Variants in TMTC3 observed in about 807,000 individuals in gnomAD.
TMTC3 encodes transmembrane O-mannosyltransferase targeting cadherins 3.
TMTC3 carries 52 observed loss-of-function variants against 92.2 expected under a neutral mutation model. That is an observed-to-expected ratio of 0.56 (90% confidence interval 0.45 to 0.71). The LOEUF (loss-of-function observed/expected upper bound fraction) is 0.71, where lower values mean the gene tolerates loss of function less well. TMTC3 is among the 30% of genes least tolerant of loss of function. The pLI, the probability that TMTC3 is intolerant of heterozygous loss-of-function variation, is 0.00. For missense variants in TMTC3, 896 were observed against 1,057.1 expected, an observed-to-expected ratio of 0.85 and a Z score of 2.11; for synonymous variants, 339 against 363.3, an observed-to-expected ratio of 0.93 and a Z score of 0.76.
chr12:88,179,836 C>T (rs968540120), intron 10 of TMTC3, among the ~76,000 whole-genome samples: 1 of 152,074 alleles, frequency 6.6e-6, no homozygotes. Flanking sequence ...CAGTCCTGTG[C>T]GCAAATGATC....
intron 8 of TMTC3, 89 bp downstream of exon 8, chr12:88,172,834 G>A: frequency 1.3e-6 from 2 of 1,505,596 alleles, no homozygotes; most frequent in East Asian, 2.4e-5. Context: ...AGTTTTCTAA[G>A]TCATGCTTTT....
intron 7 of TMTC3, among the ~76,000 whole-genome samples, chr12:88,169,524 C>G (rs1174477852): frequency 6.6e-6 from 1 of 152,070 alleles, no homozygotes; most frequent in Non-Finnish European, 1.5e-5. Context: ...TTCTGAAGAT[C>G]TCTGGAAGGG....
chr12:88,148,326 T>A lies in TMTC3; in HGVS notation c.11T>A (p.Ile4Asn), dbSNP rs148019384. Reference sequence around the variant, plus strand: ...GTGCTTATAGAAAAGATGGCTAATATTAACCTAAAAGAAATAACCTTAATA... The same window carrying A: ...GTGCTTATAGAAAAGATGGCTAATAATAACCTAAAAGAAATAACCTTAATA... MAN[I>N]NLKEITLIVG... Residue 4 changes from isoleucine to asparagine, a missense_variant, in exon 2 of 14, where the codon ATT becomes AAT. Transcript: ENST00000266712. The A allele has an allele frequency of 1.4e-5, 22 of 1,607,834 alleles. No homozygotes were observed. Among genetic ancestry groups the A allele is most frequent in the Non-Finnish European group, 1.7e-5 (20 of 1,177,964 alleles).
chr12:88,196,006 T>G lies in TMTC3; in HGVS notation c.*357T>G, dbSNP rs1334547392. On this transcript the variant is annotated 3_prime_UTR_variant, in exon 14 of 14. Coordinates refer to ENST00000266712, the MANE Select transcript of TMTC3 (RefSeq NM_181783.4). ...CCTTGAGGACAAATCCAACATGTGCTGGTTTATTCTGTTAATTCCCATTTA... is the reference window on the plus strand; with the variant it reads ...CCTTGAGGACAAATCCAACATGTGCGGGTTTATTCTGTTAATTCCCATTTA... The G allele has an allele frequency of 6.1e-6, 1 of 163,960 alleles. No homozygotes were observed. Among genetic ancestry groups the G allele is most frequent in the Admixed American group, 6.2e-5 (1 of 16,064 alleles). 10.2% of individuals were successfully genotyped at this position (163,960 alleles called of 1,614,324 possible).
Position 88,189,126 on chromosome 12 carries a change from C to A in TMTC3, c.1536+180C>A, listed in dbSNP as rs371908844. On this transcript the variant is annotated intron_variant, in intron 11 of 13. Transcript: ENST00000266712. ...TTTTTTTTTTGGAGACGGAGTCTTGCTGTATTGCCCAGACTGGAGTGCAGT... is the reference window on the plus strand; with the variant it reads ...TTTTTTTTTTGGAGACGGAGTCTTGATGTATTGCCCAGACTGGAGTGCAGT... Among the ~76,000 whole-genome samples the A allele has an allele frequency of 3.4e-5, 5 of 148,492 alleles. No individual in the cohort carries two copies. The South Asian group carries it at 6.4e-4, about 19-fold the overall frequency.
rs1490870115 is a variant in TMTC3, at chr12:88,197,723, A to G, written c.*2074A>G. 1 of 152,076 alleles carries G rather than the reference A, an allele frequency of 6.6e-6. No homozygotes were observed. The highest frequency in any genetic ancestry group is 6.6e-5 in the Admixed American group (1 of 15,262). 9.4% of individuals were successfully genotyped at this position (152,076 alleles called of 1,614,324 possible). A position where few individuals can be genotyped will look rare whatever the true frequency, so the allele number is the denominator to read the frequency against. Reference sequence around the variant, plus strand: ...ACATAAAAAGTGCTCATGTATTTGAATTTTAAATAATTTATTTAAATCAAG... The same window carrying G: ...ACATAAAAAGTGCTCATGTATTTGAGTTTTAAATAATTTATTTAAATCAAG... On this transcript the variant is annotated 3_prime_UTR_variant, in exon 14 of 14. Coordinates refer to ENST00000266712, the MANE Select transcript of TMTC3 (RefSeq NM_181783.4).
chr12:88,160,163 A>G lies in TMTC3; in HGVS notation c.558A>G (p.Leu186=). ...LTVFLVAVAT[L]CKEQGITVVG... The stretch of plus-strand genomic sequence containing the variant: ...TGTTTTTAGTGGCTGTTGCAACATT[A>G]TGTAAAGAACAAGGAATAACAGTTG... The change falls in exon 5 of 14, where the codon TTA becomes TTG. Residue 186 remains leucine, a synonymous_variant. Transcript: ENST00000266712. 1 of 1,593,590 alleles carries G rather than the reference A, an allele frequency of 6.3e-7. No individual in the cohort carries two copies. The highest frequency in any genetic ancestry group is 1.2e-5 in the South Asian group (1 of 86,696).
chr12:88,190,353 A>G lies in TMTC3; in HGVS notation c.1537-100A>G, dbSNP rs1229397492. 4 of 1,039,076 alleles carry G rather than the reference A, an allele frequency of 3.8e-6. No individual in the cohort carries two copies. In the African/African-American group the frequency reaches 4.8e-5, roughly 13 times the overall value. The allele number at this position is 1,039,076 out of a possible 1,614,324, so 64.4% of individuals were successfully genotyped here. A position where few individuals can be genotyped will look rare whatever the true frequency, so the allele number is the denominator to read the frequency against. On this transcript the variant is annotated intron_variant, in intron 11 of 13. Transcript: ENST00000266712. Reference sequence around the variant, plus strand: ...TCTCTCAGTCCAGTGTATTTTTTACAGTATGTTCTGAGTTATTTTGAATTA... The same window carrying G: ...TCTCTCAGTCCAGTGTATTTTTTACGGTATGTTCTGAGTTATTTTGAATTA...
rs201529781 is a variant in TMTC3, at chr12:88,160,642, G to A, written c.625-37G>A. The A allele has an allele frequency of 2.0e-4, 313 of 1,576,984 alleles. 3 individuals carry two copies. The South Asian group carries it at 2.5e-3, about 12-fold the overall frequency. ...AGTATTGAAAACATTGAGATATGTCGTTATTTGTTGCTTAAAACATTTCTT... is the reference window on the plus strand; with the variant it reads ...AGTATTGAAAACATTGAGATATGTCATTATTTGTTGCTTAAAACATTTCTT... On this transcript the variant is annotated intron_variant, in intron 5 of 13. Coordinates refer to ENST00000266712, the MANE Select transcript of TMTC3 (RefSeq NM_181783.4).
Position 88,172,581 on chromosome 12 carries a change from C to CTTT in TMTC3, c.1051-7_1051-5dup. 1.2e-5 allele frequency: 12 copies of CTTT among 1,025,392 alleles called. No individual in the cohort carries two copies. The highest frequency in any genetic ancestry group is 3.6e-5 in the East Asian group (1 of 27,776). The allele number at this position is 1,025,392 out of a possible 1,614,324, so 63.5% of individuals were successfully genotyped here. On this transcript the variant is annotated splice_polypyrimidine_tract_variant and intron_variant, in intron 7 of 13. Coordinates refer to ENST00000266712, the MANE Select transcript of TMTC3 (RefSeq NM_181783.4). ...AATTTATTATAAATTATTAAATCTT[C>CTTT]TTTTTTTTTTTGTAGGCGCTTTGTT...
chr12:88,160,884 C>A, intron 6 of TMTC3, 33 bp downstream of exon 6: 1 of 1,523,894 alleles, frequency 6.6e-7, no homozygotes. Context: ...TTTCTCCATT[C>A]TTTTTTTTAA....
At chr12:88,154,983 G>A (rs2040989218) in intron 4 of TMTC3, among the ~76,000 whole-genome samples, 1 of 152,048 alleles carries the variant, frequency 6.6e-6, no homozygotes, top group African/African-American at 2.4e-5. Flanking sequence ...CTTGGGGAAG[G>A]GGCAGATTTT....
chr12:88,145,071 C>T (rs995327079), intron 1 of TMTC3, among the ~76,000 whole-genome samples: 20 of 152,120 alleles, frequency 1.3e-4, no homozygotes, highest in African/African-American at 4.1e-4. Flanking sequence ...TTATTGCTTA[C>T]CTTTGTTCTC....
At chr12:88,145,860 T>A (rs1197869352) in intron 1 of TMTC3, among the ~76,000 whole-genome samples, 1 of 152,188 alleles carries the variant, frequency 6.6e-6, no homozygotes, top group Non-Finnish European at 1.5e-5. Flanking sequence ...CCCTAATTTT[T>A]TCTTATAGAC....
intron 12 of TMTC3, among the ~76,000 whole-genome samples, chr12:88,191,422 A>C (rs2041441273): frequency 1.3e-5 from 2 of 152,184 alleles, no homozygotes; most frequent in Admixed American, 1.3e-4. Flanking sequence ...TTTTAATGAG[A>C]ATATTAATTG....
chr12:88,192,710 A>G lies in TMTC3; in HGVS notation c.1813A>G (p.Ile605Val). Residue 605 changes from isoleucine to valine, a missense_variant, in exon 13 of 14, where the codon ATT becomes GTT. By Grantham distance (29) the Ile-to-Val change is conservative. Coordinates refer to ENST00000266712, the MANE Select transcript of TMTC3 (RefSeq NM_181783.4). Reference protein sequence around the residue: ...NNADLWYNLAIVHIELKEPNE... With the variant: ...NNADLWYNLAVVHIELKEPNE... ...TGCAGATCTTTGGTACAACTTGGCA[A>G]TTGTACATATTGAACTTAAAGAACC... 3 of 1,613,444 alleles carry G rather than the reference A, an allele frequency of 1.9e-6. No individual in the cohort carries two copies. The highest frequency in any genetic ancestry group is 2.5e-6 in the Non-Finnish European group (3 of 1,179,584).
chr12:88,174,009 A>G (rs2041232502), intron 8 of TMTC3, among the ~76,000 whole-genome samples: 2 of 152,254 alleles, frequency 1.3e-5, no homozygotes, highest in South Asian at 4.1e-4. Flanking sequence ...ACACAGACTC[A>G]GAGACTATTA....
Position 88,172,637 on chromosome 12 carries a change from A to G in TMTC3, c.1091A>G (p.Asn364Ser). The change falls in exon 8 of 14, where the codon AAC (asparagine) becomes AGC (serine). Residue 364 changes from asparagine (N) to serine (S), a missense_variant. Asn to Ser is a conservative substitution (Grantham distance 46). Transcript: ENST00000266712. ...GCATTACCATTTATTCCTGCATCGA[A>G]CCTTTTTTTTCCAGTTGGATTTGTT... ...LMALPFIPASNLFFPVGFVVA... is the reference protein window; with the variant it reads ...LMALPFIPASSLFFPVGFVVA... 2.6e-6 allele frequency: 4 copies of G among 1,566,016 alleles called. No homozygotes were observed. Among genetic ancestry groups the G allele is most frequent in the Non-Finnish European group, 3.5e-6 (4 of 1,157,546 alleles).
intron 7 of TMTC3, among the ~76,000 whole-genome samples, chr12:88,171,839 C>A (rs2041208382): frequency 6.6e-6 from 1 of 152,046 alleles, no homozygotes; most frequent in Non-Finnish European, 1.5e-5. Flanking sequence ...GCAAGTGTTT[C>A]CTTTACGTTC....
Sources: allele counts gnomAD v4.1 joint callset (sites outside exome capture counted in the v4.1 genomes callset), GRCh38; gene constraint gnomAD v4.1.1; transcripts MANE v1.5; gene names NCBI Gene and HGNC (gene_info 2026-07-23, HGNC 2026-07-21).